The following SGMS1 variants were observed in gnomAD, a reference collection of about 807,000 sequenced individuals.
SGMS1 encodes the protein sphingomyelin synthase 1.
Under a neutral mutation model 46.2 loss-of-function variants are expected in SGMS1, and 13 were observed. The ratio of observed to expected loss-of-function variants is 0.28; its 90% CI spans 0.18 to 0.45. SGMS1 has a LOEUF of 0.45. SGMS1 is among the 20% of genes least tolerant of loss of function. The pLI, the probability that SGMS1 is intolerant of heterozygous loss-of-function variation, is 1.00. For missense variants in SGMS1, 324 were observed against 519.9 expected, an observed-to-expected ratio of 0.62 and a Z score of 3.66; for synonymous variants, 203 against 187.8, an observed-to-expected ratio of 1.08 and a Z score of -0.66.
At chr10:50,436,200 G>T (rs1849472030) in intron 5 of SGMS1, among the ~76,000 whole-genome samples, 2 of 152,138 alleles carry the variant, frequency 1.3e-5, no homozygotes, top group Admixed American at 1.3e-4. Flanking sequence ...CGCCTCCCGG[G>T]TTCACACCAT....
At chr10:50,361,536 G>A (rs1848248143) in intron 6 of SGMS1, among the ~76,000 whole-genome samples, 2 of 152,088 alleles carry the variant, frequency 1.3e-5, no homozygotes, top group Admixed American at 1.3e-4. Flanking sequence ...ATTTTTTAAG[G>A]GGCAAAAATA....
intron 6 of SGMS1, among the ~76,000 whole-genome samples, chr10:50,376,485 A>G (rs1192144309): frequency 6.6e-6 from 1 of 152,212 alleles, no homozygotes; most frequent in Non-Finnish European, 1.5e-5. Context: ...CACAACGTGC[A>G]GATTTGTTAC....
intron 5 of SGMS1, among the ~76,000 whole-genome samples, chr10:50,434,676 A>G (rs1179267523): frequency 1.3e-5 from 2 of 151,060 alleles, no homozygotes; most frequent in African/African-American, 2.4e-5. Flanking sequence ...GGAGATCGAG[A>G]CCATCCTGGC....
At chr10:50,347,796 C>T (rs564720351) in intron 6 of SGMS1, among the ~76,000 whole-genome samples, 2 of 152,252 alleles carry the variant, frequency 1.3e-5, no homozygotes, top group South Asian at 2.1e-4. Flanking sequence ...TTATTTCAGT[C>T]CTCTCTGATG....
intron 2 of SGMS1, among the ~76,000 whole-genome samples, chr10:50,574,345 A>G (rs887513094): frequency 2.0e-5 from 3 of 152,222 alleles, no homozygotes; most frequent in Admixed American, 6.5e-5. Flanking sequence ...TTGAACAGAC[A>G]TATCTCCAAA....
intron 3 of SGMS1, among the ~76,000 whole-genome samples, chr10:50,495,080 A>AG: frequency 7.0e-6 from 1 of 143,854 alleles, no homozygotes; most frequent in Non-Finnish European, 1.5e-5. Flanking sequence ...ATACAAAAAA[A>AG]AAAAAAAATT....
chr10:50,430,010 T>C (rs1209514418), intron 6 of SGMS1, among the ~76,000 whole-genome samples: 2 of 152,052 alleles, frequency 1.3e-5, no homozygotes, highest in Non-Finnish European at 2.9e-5. Flanking sequence ...TTAGCAGTAT[T>C]ATCTTCTTTT....
At chr10:50,484,742 T>C (rs188343324) in intron 3 of SGMS1, among the ~76,000 whole-genome samples, 2 of 152,290 alleles carry the variant, frequency 1.3e-5, no homozygotes, top group African/African-American at 2.4e-5. Context: ...TGGTTCAACA[T>C]ATACAAATCA....
At chr10:50,477,528 C>T (rs3011771) in intron 3 of SGMS1, among the ~76,000 whole-genome samples, 25,523 of 152,050 alleles carry the variant, frequency 0.17, 2,810 homozygotes, top group Non-Finnish European at 0.25. Flanking sequence ...AGGGCATGAT[C>T]GTGTTTTGAA....
intron 2 of SGMS1, among the ~76,000 whole-genome samples, chr10:50,554,423 A>G (rs890051137): frequency 5.3e-5 from 8 of 152,256 alleles, no homozygotes; most frequent in African/African-American, 1.9e-4. Flanking sequence ...AGCACAACCT[A>G]TATATTTTAA....
intron 6 of SGMS1, among the ~76,000 whole-genome samples, chr10:50,397,937 C>T (rs1848870488): frequency 6.6e-6 from 1 of 152,072 alleles, no homozygotes; most frequent in Non-Finnish European, 1.5e-5. Flanking sequence ...AAGAACTCTG[C>T]CTCTAAGCCA....
chr10:50,370,869 C>T (rs1235690248), intron 6 of SGMS1, among the ~76,000 whole-genome samples: 2 of 152,102 alleles, frequency 1.3e-5, no homozygotes. Context: ...CAATAACATG[C>T]ATGAAGCTGT....
intron 8 of SGMS1, among the ~76,000 whole-genome samples, chr10:50,322,846 A>T (rs1454062240): frequency 1.3e-5 from 2 of 150,656 alleles, no homozygotes; most frequent in Non-Finnish European, 3.0e-5. Flanking sequence ...CTCAAAAAAA[A>T]AAAAAAAAAA....
intron 1 of SGMS1, among the ~76,000 whole-genome samples, chr10:50,602,571 A>T (rs1013050270): frequency 6.6e-6 from 1 of 152,086 alleles, no homozygotes; most frequent in African/African-American, 2.4e-5. Context: ...CTTATCAGGC[A>T]CTCTCCTAGG....
intron 6 of SGMS1, among the ~76,000 whole-genome samples, chr10:50,404,906 A>G (rs1420761297): frequency 6.6e-6 from 1 of 152,228 alleles, no homozygotes; most frequent in Non-Finnish European, 1.5e-5. Context: ...GAAGATCTGT[A>G]TGTGTTGACA....
chr10:50,309,225 T>C (rs996888947), intron 9 of SGMS1, among the ~76,000 whole-genome samples: 6 of 152,166 alleles, frequency 3.9e-5, no homozygotes, highest in African/African-American at 1.2e-4. Flanking sequence ...AATATTCTAG[T>C]AATATTTGTA....
chr10:50,449,547 C>T (rs1258086920), intron 5 of SGMS1, among the ~76,000 whole-genome samples: 2 of 152,186 alleles, frequency 1.3e-5, no homozygotes, highest in African/African-American at 4.8e-5. Flanking sequence ...TGCCCCGATA[C>T]AGCAGGCTCA....
chr10:50,524,620 T>C (rs1048663298), intron 2 of SGMS1, among the ~76,000 whole-genome samples: 2 of 152,200 alleles, frequency 1.3e-5, no homozygotes, highest in Non-Finnish European at 1.5e-5. Context: ...TTAGTGCTAC[T>C]ACTAAGTCTG....
intron 5 of SGMS1, among the ~76,000 whole-genome samples, chr10:50,443,676 T>C (rs890105043): frequency 3.9e-5 from 6 of 152,040 alleles, no homozygotes; most frequent in African/African-American, 1.2e-4. Flanking sequence ...ATACCAGATA[T>C]AGATGTAAAC....
Sources: gnomAD v4.1 joint callset for allele counts (sites outside exome capture counted in the v4.1 genomes callset) on GRCh38, gnomAD v4.1.1 for gene constraint, MANE v1.5 for transcripts, NCBI Gene and HGNC (gene_info 2026-07-23, HGNC 2026-07-21) for gene names.